Variants in SLC15A2 observed in about 807,000 individuals in gnomAD.
SLC15A2 encodes solute carrier family 15 member 2.
Under a neutral mutation model 95.5 loss-of-function variants are expected in SLC15A2, and 77 were observed. The observed-to-expected ratio is 0.81, with a 90% confidence interval of 0.67 to 0.97. The LOEUF (loss-of-function observed/expected upper bound fraction) is 0.97, where lower values mean the gene tolerates loss of function less well. Among genes scored for constraint, SLC15A2 ranks in the 50% least tolerant of loss-of-function variants. The probability of loss-of-function intolerance (pLI) is 0.00; values close to 1 mark genes in which losing one functional copy is unlikely to be tolerated. For synonymous variants in SLC15A2, 306 were observed against 306.9 expected, an observed-to-expected ratio of 1.00 and a Z score of 0.03; for missense variants, 893 against 874.4, an observed-to-expected ratio of 1.02 and a Z score of -0.27.
intron 19 of SLC15A2, among the ~76,000 whole-genome samples, chr3:121,935,287 T>C (rs1267945976): frequency 6.6e-6 from 1 of 152,192 alleles, no homozygotes; most frequent in Non-Finnish European, 1.5e-5. Flanking sequence ...ATAAAATGAG[T>C]TAGGGAGGAT....
Position 121,897,640 on chromosome 3 carries a change from A to G in SLC15A2, c.335+111A>G, listed in dbSNP as rs547685883. 44 of 1,073,404 alleles carry G rather than the reference A, an allele frequency of 4.1e-5. 1 individual carries two copies. Among genetic ancestry groups the G allele is most frequent in the Admixed American group, 2.3e-4 (9 of 39,338 alleles). 66.5% of individuals were successfully genotyped at this position (1,073,404 alleles called of 1,614,324 possible). On this transcript the variant is annotated intron_variant, in intron 3 of 21. Coordinates refer to ENST00000489711, the MANE Select transcript of SLC15A2 (RefSeq NM_021082.4). ...AACATACCTATGTCATGCGTGAAAA[A>G]TAAGAATCTCTGTACATCTGTGTAG...
At chr3:121,918,937 G>C (rs1322634429) in intron 7 of SLC15A2, among the ~76,000 whole-genome samples, 1 of 152,184 alleles carries the variant, frequency 6.6e-6, no homozygotes, top group Non-Finnish European at 1.5e-5. Context: ...TACCGCCTCT[G>C]TCTGGGCCTT....
At position 121,940,489 on chromosome 3, in the gene SLC15A2, G is replaced by T. The variant is rs1367678763; in HGVS notation, c.2013+1G>T. The T allele has an allele frequency of 1.2e-6, 2 of 1,609,290 alleles. No individual in the cohort carries two copies. Among genetic ancestry groups the T allele is most frequent in the African/African-American group, 2.7e-5 (2 of 74,808 alleles). The stretch of plus-strand genomic sequence containing the variant: ...GGCACAGTTCAGTGGCCTGGTACAG[G>T]TATGGATCTGAGGGAAGCAGGATTC... On this transcript the variant is annotated splice_donor_variant, in intron 21 of 21. Transcript: ENST00000489711. LOFTEE classifies it high-confidence loss of function.
chr3:121,918,622 A>G (rs1709942651), intron 7 of SLC15A2, among the ~76,000 whole-genome samples: 1 of 152,218 alleles, frequency 6.6e-6, no homozygotes, highest in African/African-American at 2.4e-5. Flanking sequence ...AGGATTTAAA[A>G]GACAGGCAAA....
Position 121,941,178 on chromosome 3 carries a change from C to A in SLC15A2, c.*171C>A. 1.7e-6 allele frequency: 1 copy of A among 581,924 alleles called. No homozygotes were observed. The highest frequency in any genetic ancestry group is 3.3e-5 in the Admixed American group (1 of 30,420). The allele number at this position is 581,924 out of a possible 1,614,324, so 36.0% of individuals were successfully genotyped here. A position where few individuals can be genotyped will look rare whatever the true frequency, so the allele number is the denominator to read the frequency against. On this transcript the variant is annotated 3_prime_UTR_variant, in exon 22 of 22. Transcript: ENST00000489711. ...TTTTCCAGTACATCTTTAAACAAGG[C>A]CCCAGAGACTCTATGTCTGCCCGTC...
At chr3:121,915,789 C>A in intron 7 of SLC15A2, 96 bp downstream of exon 7, 1 of 854,456 alleles carries the variant, frequency 1.2e-6, no homozygotes. Flanking sequence ...TCATTCAATC[C>A]TCACACCAGG....
At chr3:121,921,878 A>ATG (rs1283367890) in intron 7 of SLC15A2, among the ~76,000 whole-genome samples, 1 of 152,240 alleles carries the variant, frequency 6.6e-6, no homozygotes, top group Non-Finnish European at 1.5e-5. Context: ...GAGATGGAGA[A>ATG]AGAAGAGTAA....
chr3:121,914,887 C>T (rs554212733), intron 5 of SLC15A2: 1 of 408,606 alleles, frequency 2.4e-6, no homozygotes, highest in South Asian at 8.5e-5. Context: ...CACAAACACA[C>T]ACATGAAATA....
Position 121,928,403 on chromosome 3 carries a change from T to G in SLC15A2, c.1207-18T>G, listed in dbSNP as rs1710163501. 5 of 1,610,888 alleles carry G rather than the reference T, an allele frequency of 3.1e-6. No homozygotes were observed. In the East Asian group the frequency reaches 1.1e-4, roughly 36 times the overall value. On this transcript the variant is annotated intron_variant, in intron 14 of 21. Coordinates refer to ENST00000489711, the MANE Select transcript of SLC15A2 (RefSeq NM_021082.4). ...GGATTATTTGTTGGTGATTCTGACA[T>G]GTGTTCTTTGCTCTAAGGAAATGGC...
rs149098592 is a variant in SLC15A2, at chr3:121,931,064, C to T, written c.1664+114C>T. On this transcript the variant is annotated intron_variant, in intron 18 of 21. Transcript: ENST00000489711. ...CATGTGGTCTAATTTTGAGTATAGA[C>T]GCACTACTGATCTTTTCCAACTCTT... 358 of 655,608 alleles carry T rather than the reference C, an allele frequency of 5.5e-4. 2 individuals are homozygous for T. The highest frequency in any genetic ancestry group is 2.9e-3 in the African/African-American group (158 of 55,368). The allele number at this position is 655,608 out of a possible 1,614,324, so 40.6% of individuals were successfully genotyped here. A position where few individuals can be genotyped will look rare whatever the true frequency, so the allele number is the denominator to read the frequency against.
Position 121,894,450 on chromosome 3 carries a change from G to GGAGA in SLC15A2, c.-17_-14dup, listed in dbSNP as rs754316644. The stretch of plus-strand genomic sequence containing the variant: ...CTGCCTACTAAAGCCAAATGCTTGA[G>GGAGA]GAGAGAGAGAGAGTAAGGAGCCAGC... On this transcript the variant is annotated 5_prime_UTR_variant, in exon 1 of 22. Transcript: ENST00000489711. The GGAGA allele has an allele frequency of 5.1e-6, 8 of 1,583,890 alleles. No individual in the cohort carries two copies. The highest frequency in any genetic ancestry group is 3.3e-4 in the Middle Eastern group (2 of 5,982).
Position 121,927,787 on chromosome 3 carries a change from T to C in SLC15A2, c.1154T>C (p.Ile385Thr), listed in dbSNP as rs1374743966. 2 of 1,613,844 alleles carry C rather than the reference T, an allele frequency of 1.2e-6. No homozygotes were observed. Among genetic ancestry groups the C allele is most frequent in the African/African-American group, 1.3e-5 (1 of 74,940 alleles). ...SSLRKMAVGM[I>T]LACLAFAVAA... ...CTTAGGAAAATGGCTGTTGGTATGA[T>C]CCTAGCATGCCTGGCATTTGCAGTT... Residue 385 changes from isoleucine to threonine, a missense_variant, in exon 14 of 22, where the codon ATC (isoleucine) becomes ACC (threonine). Physicochemically the swap from Ile to Thr is moderately conservative, Grantham distance 89. Coordinates refer to ENST00000489711, the MANE Select transcript of SLC15A2 (RefSeq NM_021082.4).
chr3:121,914,567 T>C (rs1463756624), intron 5 of SLC15A2, among the ~76,000 whole-genome samples: 1 of 152,184 alleles, frequency 6.6e-6, no homozygotes, highest in East Asian at 1.9e-4. Flanking sequence ...TACCACACAC[T>C]CCTACCACAA....
intron 7 of SLC15A2, among the ~76,000 whole-genome samples, chr3:121,919,181 G>A (rs1709956306): frequency 6.6e-6 from 1 of 152,232 alleles, no homozygotes; most frequent in African/African-American, 2.4e-5. Context: ...GCAGGAGCAT[G>A]TTACAACTCT....
intron 19 of SLC15A2, 49 bp downstream of exon 19, chr3:121,931,784 CT>C (rs1161792356): frequency 2.8e-6 from 3 of 1,081,814 alleles, no homozygotes; most frequent in Non-Finnish European, 4.3e-6. Context: ...ATACATATAT[CT>C]CCTGAGATCC....
At chr3:121,925,791 C>G (rs1211768733) in intron 13 of SLC15A2, among the ~76,000 whole-genome samples, 4 of 80,472 alleles carry the variant, frequency 5.0e-5, no homozygotes, top group Admixed American at 1.6e-4. Context: ...TAAAATACAA[C>G]TACTACACAG....
At chr3:121,918,484 T>C (rs1709939309) in intron 7 of SLC15A2, among the ~76,000 whole-genome samples, 1 of 151,868 alleles carries the variant, frequency 6.6e-6, no homozygotes, top group Non-Finnish European at 1.5e-5. Context: ...ACTATAGATA[T>C]AGATCTGGAG....
rs763359473 is a variant in SLC15A2 at position 121,924,933 on chromosome 3, A to T, written c.1036-12A>T. 6.3e-7 allele frequency: 1 copy of T among 1,576,428 alleles called. No individual in the cohort carries two copies. Among genetic ancestry groups the T allele is most frequent in the South Asian group, 1.1e-5 (1 of 90,532 alleles). ...ATATTTGTAGCTAATCCTTTTTATC[A>T]TGGTGTTACAGGTTCTAAATCCCCT... On this transcript the variant is annotated splice_polypyrimidine_tract_variant and intron_variant, in intron 12 of 21. Coordinates refer to ENST00000489711, the MANE Select transcript of SLC15A2 (RefSeq NM_021082.4).
chr3:121,929,196 G>C, intron 16 of SLC15A2, 50 bp downstream of exon 16: 1 of 1,604,040 alleles, frequency 6.2e-7, no homozygotes, highest in Non-Finnish European at 8.5e-7. Flanking sequence ...AAAGTAATAT[G>C]ACTGTCTCAT....
Sources: gnomAD v4.1 joint callset for allele counts (sites outside exome capture counted in the v4.1 genomes callset) on GRCh38, gnomAD v4.1.1 for gene constraint, MANE v1.5 for transcripts, NCBI Gene and HGNC (gene_info 2026-07-23, HGNC 2026-07-21) for gene names.